Variants in PARG observed in about 807,000 individuals in gnomAD.
PARG encodes the protein poly(ADP-ribose) glycohydrolase, also known as mitochondrial poly(ADP-ribose) glycohydrolase.
In PARG, 35 loss-of-function variants were observed where a neutral mutation model predicts 113.0. The observed-to-expected ratio is 0.31, with a 90% CI of 0.24 to 0.41. The LOEUF (loss-of-function observed/expected upper bound fraction) is 0.41, where lower values mean the gene tolerates loss of function less well. Among genes scored for constraint, PARG ranks in the 10% least tolerant of loss-of-function variants. PARG has a pLI of 1.00. For synonymous variants in PARG, 330 were observed against 409.9 expected, an observed-to-expected ratio of 0.81 and a Z score of 2.36; for missense variants, 797 against 1,169.4, an observed-to-expected ratio of 0.68 and a Z score of 4.64.
At chr10:49,911,351 A>G (rs1554846195) in intron 7 of PARG, among the ~76,000 whole-genome samples, 1 of 152,156 alleles carries the variant, frequency 6.6e-6, no homozygotes, top group Admixed American at 6.5e-5. Context: ...CTTTTATAAC[A>G]TATAGAACAT....
rs1442954763 is a variant in PARG, at chr10:49,933,082, C to A, written c.1271+95G>T. The A allele has an allele frequency of 1.1e-4, 100 of 933,300 alleles. 1 individual carries two copies. The Admixed American group carries it at 2.4e-3, about 22-fold the overall frequency. 57.8% of individuals were successfully genotyped at this position (933,300 alleles called of 1,614,324 possible). A position where few individuals can be genotyped will look rare whatever the true frequency, so the allele number is the denominator to read the frequency against. Reference sequence around the variant, plus strand: ...TAGTTAACAAGAAACAAAACCATTTCTTTGCTTTACTAGAAATCACAGCTT... The same window carrying A: ...TAGTTAACAAGAAACAAAACCATTTATTTGCTTTACTAGAAATCACAGCTT... On this transcript the variant is annotated intron_variant, in intron 3 of 17. Transcript: ENST00000616448.
chr10:49,913,549 ATACT>A (rs1210011593), intron 7 of PARG, among the ~76,000 whole-genome samples: 2 of 152,222 alleles, frequency 1.3e-5, no homozygotes, highest in Non-Finnish European at 2.9e-5. Context: ...CAAGAAATAA[ATACT>A]TAGTGTAGTT....
chr10:49,887,368 A>G (rs1847546416), intron 7 of PARG, among the ~76,000 whole-genome samples: 1 of 152,172 alleles, frequency 6.6e-6, no homozygotes, highest in African/African-American at 2.4e-5. Context: ...CCATTTTATC[A>G]CACGTACATT....
At chr10:49,893,347 T>C (rs1847906132) in intron 7 of PARG, among the ~76,000 whole-genome samples, 1 of 152,234 alleles carries the variant, frequency 6.6e-6, no homozygotes, top group Non-Finnish European at 1.5e-5. Flanking sequence ...AATGTGCTTA[T>C]TGGCAATTTG....
At chr10:49,833,814 C>T (rs150983212) in intron 15 of PARG, among the ~76,000 whole-genome samples, 14 of 152,154 alleles carry the variant, frequency 9.2e-5, no homozygotes, top group African/African-American at 3.4e-4. Context: ...CCAAACGAAG[C>T]CTAAAATATA....
intron 1 of PARG, 69 bp from the exon 2 acceptor site, chr10:49,935,211 AG>A (rs1838690700): frequency 1.5e-6 from 1 of 659,688 alleles, no homozygotes; most frequent in Non-Finnish European, 2.8e-6. Flanking sequence ...TGTACATGCA[AG>A]GAACTATGCT....
chr10:49,865,606 AAAT>A (rs1846469288), intron 10 of PARG, among the ~76,000 whole-genome samples: 1 of 146,372 alleles, frequency 6.8e-6, no homozygotes, highest in Non-Finnish European at 1.5e-5. Flanking sequence ...TCCTTCTATA[AAAT>A]AATAAGACTT....
At chr10:49,941,463 G>A (rs1839063130) in intron 1 of PARG, 46 bp downstream of exon 1, 2 of 1,390,150 alleles carry the variant, frequency 1.4e-6, no homozygotes, top group East Asian at 2.5e-5. Context: ...GAGACCAGAA[G>A]GTTCGGGCCG....
chr10:49,927,684 A>C (rs557317934), intron 4 of PARG, among the ~76,000 whole-genome samples: 2 of 152,060 alleles, frequency 1.3e-5, no homozygotes, highest in Middle Eastern at 3.4e-3. Context: ...ATGGAGTCAA[A>C]TGTGGCCAGG....
intron 1 of PARG, among the ~76,000 whole-genome samples, chr10:49,937,233 T>G (rs1247831957): frequency 6.6e-6 from 1 of 152,128 alleles, no homozygotes; most frequent in African/African-American, 2.4e-5. Context: ...TCCCAACACT[T>G]TGGGAGGACG....
chr10:49,912,956 A>G (rs1837282301), intron 7 of PARG, among the ~76,000 whole-genome samples: 2 of 152,256 alleles, frequency 1.3e-5, no homozygotes, highest in Admixed American at 1.3e-4. Context: ...CTTTAAATAA[A>G]AAAATAAAAG....
intron 6 of PARG, among the ~76,000 whole-genome samples, chr10:49,918,346 C>T (rs1344211918): frequency 6.6e-6 from 1 of 152,194 alleles, no homozygotes; most frequent in Non-Finnish European, 1.5e-5. Flanking sequence ...CTGTAATTCT[C>T]TGATTATTTT....
chr10:49,891,615 ATATATATATTTTTTTTTTT>A (rs1298248795), intron 7 of PARG, among the ~76,000 whole-genome samples: 2 of 63,216 alleles, frequency 3.2e-5, no homozygotes, highest in African/African-American at 1.8e-4. Flanking sequence ...ATATATATAT[ATATATATATTTTTTTTTTT>A]TTTTTTTTTT....
chr10:49,921,507 A>G (rs1459887729), intron 6 of PARG, among the ~76,000 whole-genome samples: 3 of 152,136 alleles, frequency 2.0e-5, no homozygotes, highest in Non-Finnish European at 4.4e-5. Flanking sequence ...ATTATGATAT[A>G]ACATATCAAT....
chr10:49,914,973 C>T (rs552519817), intron 7 of PARG, among the ~76,000 whole-genome samples: 4 of 152,170 alleles, frequency 2.6e-5, no homozygotes, highest in African/African-American at 9.6e-5. Context: ...TAAAATTGGA[C>T]TTCTAATTTA....
At chr10:49,937,785 T>C (rs1838825117) in intron 1 of PARG, among the ~76,000 whole-genome samples, 1 of 152,184 alleles carries the variant, frequency 6.6e-6, no homozygotes, top group Non-Finnish European at 1.5e-5. Context: ...TCCTGAAGCC[T>C]GGGGAAGGGA....
intron 1 of PARG, 137 bp from the exon 2 acceptor site, chr10:49,935,279 G>A (rs1370331415): frequency 3.5e-6 from 2 of 575,142 alleles, no homozygotes; most frequent in African/African-American, 3.8e-5. Flanking sequence ...TCAAGTATAT[G>A]GGTAAGACAG....
chr10:49,894,551 T>C (rs1265309711), intron 7 of PARG, among the ~76,000 whole-genome samples: 3 of 152,150 alleles, frequency 2.0e-5, no homozygotes, highest in African/African-American at 7.2e-5. Context: ...TTTCTATGTA[T>C]AGTATGTGGG....
chr10:49,824,165 T>G (rs1481967679), intron 16 of PARG, among the ~76,000 whole-genome samples: 1 of 152,214 alleles, frequency 6.6e-6, no homozygotes, highest in Non-Finnish European at 1.5e-5. Flanking sequence ...CTCCATTGAA[T>G]GCTAGACTAT....
Sources: gnomAD v4.1 joint callset for allele counts (sites outside exome capture counted in the v4.1 genomes callset) on GRCh38, gnomAD v4.1.1 for gene constraint, MANE v1.5 for transcripts, NCBI Gene and HGNC (gene_info 2026-07-23, HGNC 2026-07-21) for gene names.